The following LRRTM4 variants were observed in gnomAD, a reference collection of about 807,000 sequenced individuals.
LRRTM4 encodes the protein leucine-rich repeat transmembrane neuronal protein 4.
A neutral mutation model predicts 47.6 loss-of-function variants in LRRTM4; 25 were observed. The ratio of observed to expected loss-of-function variants is 0.53; its 90% CI spans 0.38 to 0.73. LRRTM4 has a LOEUF of 0.73. Among genes scored for constraint, LRRTM4 ranks in the 30% least tolerant of loss-of-function variants. The pLI, the probability that LRRTM4 is intolerant of heterozygous loss-of-function variation, is 0.00. For missense variants in LRRTM4, 638 were observed against 713.4 expected (o/e 0.89, Z 1.20); for synonymous variants, 311 against 269.5 (o/e 1.15, Z -1.51).
intron 3 of LRRTM4, among the ~76,000 whole-genome samples, chr2:77,435,836 C>T (rs1301137268): frequency 1.3e-5 from 2 of 152,112 alleles, no homozygotes; most frequent in Non-Finnish European, 2.9e-5. Flanking sequence ...TATATTCATT[C>T]ATCAATATCT....
intron 3 of LRRTM4, among the ~76,000 whole-genome samples, chr2:77,199,239 T>C (rs948980551): frequency 2.0e-4 from 31 of 152,154 alleles, no homozygotes; most frequent in African/African-American, 5.5e-4. Flanking sequence ...ACTCTTACTA[T>C]GCACCAGGTA....
chr2:76,834,477 T>C (rs1293919629), intron 3 of LRRTM4, among the ~76,000 whole-genome samples: 1 of 152,026 alleles, frequency 6.6e-6, no homozygotes, highest in Non-Finnish European at 1.5e-5. Flanking sequence ...TATTTGTAAT[T>C]AAGTATGTTT....
intron 3 of LRRTM4, among the ~76,000 whole-genome samples, chr2:77,221,221 G>A (rs1674619366): frequency 6.6e-6 from 1 of 152,154 alleles, no homozygotes; most frequent in Admixed American, 6.6e-5. Flanking sequence ...AACATGGAAA[G>A]GAACAACTGG....
chr2:77,035,215 C>A (rs1309665334), intron 3 of LRRTM4, among the ~76,000 whole-genome samples: 4 of 151,572 alleles, frequency 2.6e-5, no homozygotes, highest in African/African-American at 4.8e-5. Flanking sequence ...CTCCCCTTCC[C>A]CCCACCCCGG....
chr2:76,848,662 ATAT>A (rs1344515400), intron 3 of LRRTM4, among the ~76,000 whole-genome samples: 1 of 152,092 alleles, frequency 6.6e-6, no homozygotes, highest in Non-Finnish European at 1.5e-5. Context: ...AAACAAATGG[ATAT>A]TATCTGTATA....
rs150441689 is a variant in LRRTM4 at position 77,480,785 on chromosome 2, AGTGTGTGTGTGT to A, written c.1551+37521_1551+37532del. On this transcript the variant is annotated intron_variant, in intron 3 of 3. Transcript: ENST00000409884. Reference sequence around the variant, plus strand: ...ACTTGCTATGTGTGGCTGTTTTAGGAGTGTGTGTGTGTGTGTGTGTGTGTGTGTGTGTGTGTG... The same window carrying A: ...ACTTGCTATGTGTGGCTGTTTTAGGAGTGTGTGTGTGTGTGTGTGTGTGTG... Among the ~76,000 whole-genome samples the A allele has an allele frequency of 3.9e-5, 4 of 102,224 alleles. No homozygotes were observed. The South Asian group carries it at 1.6e-3, about 41-fold the overall frequency. The allele number at this position is 102,224 out of a possible 152,430, so 67.1% of individuals were successfully genotyped here.
chr2:76,999,940 A>C (rs1677353273), intron 3 of LRRTM4, among the ~76,000 whole-genome samples: 1 of 152,190 alleles, frequency 6.6e-6, no homozygotes, highest in African/African-American at 2.4e-5. Flanking sequence ...GGGCAGAGTG[A>C]CAGCCCTATA....
At chr2:76,914,492 T>C in intron 3 of LRRTM4, among the ~76,000 whole-genome samples, 1 of 152,110 alleles carries the variant, frequency 6.6e-6, no homozygotes, top group East Asian at 1.9e-4. Context: ...AGTGCATATT[T>C]TGTTTATGTA....
chr2:76,834,740 C>G (rs1264427014), intron 3 of LRRTM4, among the ~76,000 whole-genome samples: 1 of 151,882 alleles, frequency 6.6e-6, no homozygotes, highest in African/African-American at 2.4e-5. Context: ...AAATGATACA[C>G]ATAGAAAATG....
At chr2:76,907,063 C>A (rs946848643) in intron 3 of LRRTM4, among the ~76,000 whole-genome samples, 1 of 151,970 alleles carries the variant, frequency 6.6e-6, no homozygotes, top group African/African-American at 2.4e-5. Flanking sequence ...CCAAACCACA[C>A]CTATTCCAAA....
intron 3 of LRRTM4, among the ~76,000 whole-genome samples, chr2:77,214,111 A>T (rs1674371251): frequency 6.6e-6 from 1 of 152,162 alleles, no homozygotes; most frequent in Non-Finnish European, 1.5e-5. Context: ...GGCAATAAAG[A>T]ATTCATTCCA....
intron 3 of LRRTM4, among the ~76,000 whole-genome samples, chr2:76,903,409 G>A (rs941091387): frequency 3.9e-5 from 6 of 151,956 alleles, no homozygotes; most frequent in East Asian, 1.9e-4. Flanking sequence ...GGTGGCGGGC[G>A]CCTGTAGTCC....
intron 3 of LRRTM4, among the ~76,000 whole-genome samples, chr2:76,895,022 G>C (rs1240886943): frequency 6.6e-6 from 1 of 151,374 alleles, no homozygotes; most frequent in African/African-American, 2.4e-5. Flanking sequence ...AAATTATATT[G>C]TATTTTAAAG....
At chr2:77,204,762 T>G (rs953471677) in intron 3 of LRRTM4, among the ~76,000 whole-genome samples, 1 of 152,194 alleles carries the variant, frequency 6.6e-6, no homozygotes, top group Non-Finnish European at 1.5e-5. Flanking sequence ...CTTCAACTTA[T>G]GTCCTACACC....
intron 3 of LRRTM4, among the ~76,000 whole-genome samples, chr2:77,343,709 T>C (rs890657537): frequency 6.6e-6 from 1 of 151,924 alleles, no homozygotes; most frequent in Non-Finnish European, 1.5e-5. Flanking sequence ...TCATTTACTG[T>C]TGTGAAAAGC....
At chr2:77,289,374 T>A (rs1316857891) in intron 3 of LRRTM4, among the ~76,000 whole-genome samples, 1 of 150,864 alleles carries the variant, frequency 6.6e-6, no homozygotes, top group Non-Finnish European at 1.5e-5. Flanking sequence ...TTTAAGTGAT[T>A]GTACCCTTCA....
intron 3 of LRRTM4, among the ~76,000 whole-genome samples, chr2:77,313,778 CT>C (rs1411897145): frequency 6.6e-6 from 1 of 152,166 alleles, no homozygotes; most frequent in African/African-American, 2.4e-5. Context: ...ACTCTTCTCC[CT>C]GAAGACAAAG....
At chr2:77,515,194 T>G (rs890126799) in intron 3 of LRRTM4, among the ~76,000 whole-genome samples, 7 of 151,928 alleles carry the variant, frequency 4.6e-5, no homozygotes, top group Admixed American at 3.9e-4. Flanking sequence ...CTATCTACTC[T>G]ATTTCTCTTT....
At chr2:77,068,495 T>G (rs2103819819) in intron 3 of LRRTM4, among the ~76,000 whole-genome samples, 1 of 152,292 alleles carries the variant, frequency 6.6e-6, no homozygotes, top group Admixed American at 6.5e-5. Context: ...CAACCATGAA[T>G]CTCCTTTCTA....
Sources: gnomAD v4.1 joint callset for allele counts (sites outside exome capture counted in the v4.1 genomes callset) on GRCh38, gnomAD v4.1.1 for gene constraint, MANE v1.5 for transcripts, NCBI Gene and HGNC (gene_info 2026-07-23, HGNC 2026-07-21) for gene names.